The following SLC2A9 variants were observed in gnomAD, a reference collection of about 807,000 sequenced individuals.
The protein encoded by SLC2A9 is solute carrier family 2 member 9.
In SLC2A9, 39 loss-of-function variants were observed where a neutral mutation model predicts 50.6. That is an observed-to-expected ratio of 0.77 (90% CI 0.60 to 1.01). The LOEUF is 1.01. SLC2A9 is among the 50% of genes least tolerant of loss of function. The pLI, the probability that SLC2A9 is intolerant of heterozygous loss-of-function variation, is 0.00. For missense variants in SLC2A9, 686 were observed against 677.6 expected (o/e 1.01, Z -0.14); for synonymous variants, 324 against 276.9 (o/e 1.17, Z -1.69).
intron 6 of SLC2A9, among the ~76,000 whole-genome samples, chr4:9,922,232 A>G (rs1744071115): frequency 1.3e-5 from 2 of 151,616 alleles, no homozygotes; most frequent in African/African-American, 4.8e-5. Context: ...AAAACCGAAC[A>G]CCACATGTTC....
chr4:10,019,143 C>T (rs896665238), intron 1 of SLC2A9, 70 bp from the exon 2 acceptor site: 9 of 1,296,728 alleles, frequency 6.9e-6, no homozygotes, highest in Non-Finnish European at 9.8e-6. Context: ...AGACCTGGAA[C>T]GTTCCCTCAG....
At chr4:9,958,480 A>T (rs942211491) in intron 5 of SLC2A9, among the ~76,000 whole-genome samples, 3 of 152,058 alleles carry the variant, frequency 2.0e-5, no homozygotes, top group Non-Finnish European at 2.9e-5. Flanking sequence ...ACATCACACA[A>T]TGGGGCCTGT....
intron 5 of SLC2A9, among the ~76,000 whole-genome samples, chr4:9,979,402 G>C (rs1019314050): frequency 3.3e-5 from 5 of 152,136 alleles, no homozygotes; most frequent in African/African-American, 1.2e-4. Context: ...TTCGTGCCTA[G>C]AACAGTCTGG....
intron 5 of SLC2A9, among the ~76,000 whole-genome samples, chr4:9,954,550 AG>A (rs1364655997): frequency 2.0e-5 from 3 of 152,222 alleles, no homozygotes; most frequent in Non-Finnish European, 1.5e-5. Context: ...CCATACATGC[AG>A]GGGGTGAGAC....
intron 5 of SLC2A9, among the ~76,000 whole-genome samples, chr4:9,953,399 A>G (rs567025502): frequency 2.6e-5 from 4 of 152,250 alleles, no homozygotes; most frequent in South Asian, 4.1e-4. Context: ...AGGTGGGCCC[A>G]GATGTGGGCA....
chr4:9,929,702 C>T (rs142166986), intron 6 of SLC2A9, among the ~76,000 whole-genome samples: 6 of 152,242 alleles, frequency 3.9e-5, no homozygotes, highest in South Asian at 2.1e-4. Flanking sequence ...AGCGGAGGAG[C>T]GAGAATTACA....
At chr4:9,894,964 T>C (rs1452687244) in intron 8 of SLC2A9, among the ~76,000 whole-genome samples, 1 of 152,226 alleles carries the variant, frequency 6.6e-6, no homozygotes, top group Non-Finnish European at 1.5e-5. Context: ...ACTAAGCTTA[T>C]CATGTGTTAC....
At chr4:9,869,679 G>A (rs1327274576) in intron 10 of SLC2A9, among the ~76,000 whole-genome samples, 2 of 152,226 alleles carry the variant, frequency 1.3e-5, no homozygotes, top group African/African-American at 4.8e-5. Context: ...GCTGTCCTCT[G>A]CTCATCTCTG....
At chr4:9,773,496 A>C (rs1717117348) in intron 1 of SLC2A9, among the ~76,000 whole-genome samples, 1 of 152,212 alleles carries the variant, frequency 6.6e-6, no homozygotes, top group Non-Finnish European at 1.5e-5. Flanking sequence ...CAGAAGAAGG[A>C]GGGTCAATGA....
At chr4:9,823,466 A>C (rs373944605), downstream of SLC2A9, among the ~76,000 whole-genome samples, 1 of 151,942 alleles carries the variant, frequency 6.6e-6, no homozygotes, top group Admixed American at 6.6e-5. Flanking sequence ...ATTTCATTGA[A>C]TATCATATGA....
intron 6 of SLC2A9, among the ~76,000 whole-genome samples, chr4:9,924,557 G>A (rs1253297530): frequency 2.0e-5 from 3 of 152,130 alleles, no homozygotes; most frequent in Admixed American, 6.5e-5. Flanking sequence ...CCATTTCCCA[G>A]CTGGGGAAGT....
At chr4:9,949,660 C>T (rs1307339907) in intron 5 of SLC2A9, among the ~76,000 whole-genome samples, 1 of 152,170 alleles carries the variant, frequency 6.6e-6, no homozygotes, top group Non-Finnish European at 1.5e-5. Context: ...GCACTGCTGC[C>T]TTGCCACCTT....
rs34838359 is a variant in SLC2A9 at position 9,972,377 on chromosome 4, T to TAA, written c.681+8213_681+8214dup. On this transcript the variant is annotated intron_variant, in intron 5 of 11. Coordinates refer to ENST00000264784, the MANE Select transcript of SLC2A9 (RefSeq NM_020041.3). ...AGAGAAATAGCTAATTGATTTGTTT[T>TAA]AAAAAAAATATATCATTTGGAGTCA... 2.6e-5 allele frequency among the ~76,000 whole-genome samples: 4 copies of TAA among 151,980 alleles called. No homozygotes were observed. The East Asian group carries it at 5.8e-4, about 22-fold the overall frequency.
intron 10 of SLC2A9, chr4:9,879,158 G>A (rs1734783221): frequency 3.1e-6 from 3 of 982,252 alleles, no homozygotes; most frequent in Non-Finnish European, 3.6e-6. Context: ...CCATTGTAAT[G>A]GGGTGGGGGT....
At chr4:9,812,508 T>TC (rs1577359978) in intron 3 of SLC2A9, among the ~76,000 whole-genome samples, 1 of 151,950 alleles carries the variant, frequency 6.6e-6, no homozygotes, top group East Asian at 1.9e-4. Flanking sequence ...TTTTTTTTTT[T>TC]CCTCATGGTT....
intron 2 of SLC2A9, among the ~76,000 whole-genome samples, chr4:10,018,574 A>AGATC (rs1763037506): frequency 6.6e-6 from 1 of 151,364 alleles, no homozygotes. Flanking sequence ...ATAGATAGAT[A>AGATC]GATAGATAGA....
chr4:9,973,838 G>A (rs1387595718), intron 5 of SLC2A9, among the ~76,000 whole-genome samples: 6 of 148,792 alleles, frequency 4.0e-5, no homozygotes, highest in South Asian at 2.2e-4. Context: ...TTGTGCACAT[G>A]TACCCTAAAA....
At chr4:9,883,459 A>G (rs56322912) in intron 10 of SLC2A9, among the ~76,000 whole-genome samples, 17,421 of 152,214 alleles carry the variant, frequency 0.11, 1,153 homozygotes, top group African/African-American at 0.15. Flanking sequence ...TGTGGACTTC[A>G]GTTTCTTCAT....
chr4:9,937,607 C>T (rs1747324470), intron 6 of SLC2A9, among the ~76,000 whole-genome samples: 1 of 152,200 alleles, frequency 6.6e-6, no homozygotes, highest in Non-Finnish European at 1.5e-5. Flanking sequence ...GCCCAGCTCC[C>T]TCTGCCCGGT....
Sources: allele counts gnomAD v4.1 joint callset (sites outside exome capture counted in the v4.1 genomes callset), GRCh38; gene constraint gnomAD v4.1.1; transcripts MANE v1.5; gene names NCBI Gene and HGNC (gene_info 2026-07-23, HGNC 2026-07-21).